IBSP: variants seen among roughly 807,000 people sequenced by gnomAD.
The protein encoded by IBSP is integrin binding sialoprotein.
IBSP carries 19 observed loss-of-function variants against 25.5 expected under a neutral mutation model. The ratio of observed to expected loss-of-function variants is 0.74; its 90% CI spans 0.52 to 1.09. IBSP has a LOEUF of 1.09. IBSP is among the 50% of genes least tolerant of loss of function. The probability of loss-of-function intolerance (pLI) is 0.00; values close to 1 mark genes in which losing one functional copy is unlikely to be tolerated. For synonymous variants in IBSP, 144 were observed against 137.6 expected (o/e 1.05, Z -0.33); for missense variants, 360 against 382.3 (o/e 0.94, Z 0.49).
intron 4 of IBSP, among the ~76,000 whole-genome samples, chr4:87,804,500 A>G (rs1369846022): frequency 6.6e-6 from 1 of 152,240 alleles, no homozygotes; most frequent in Non-Finnish European, 1.5e-5. Flanking sequence ...TTATTGAGAA[A>G]ATTGTCATTT....
At chr4:87,805,819 C>A (rs1722080924) in intron 4 of IBSP, among the ~76,000 whole-genome samples, 2 of 152,120 alleles carry the variant, frequency 1.3e-5, no homozygotes, top group African/African-American at 2.4e-5. Context: ...TTTTTACATA[C>A]AAAATGTTTC....
chr4:87,810,769 C>G lies in IBSP; in HGVS notation c.405+5C>G, dbSNP rs1722159958. 1 of 1,603,342 alleles carries G rather than the reference C, an allele frequency of 6.2e-7. No homozygotes were observed. The highest frequency in any genetic ancestry group is 8.5e-7 in the Non-Finnish European group (1 of 1,175,818). On this transcript the variant is annotated splice_donor_5th_base_variant and intron_variant, in intron 6 of 6. Transcript: ENST00000226284. ...GCAATCCAGCTTCCCAAGAAGGTAA[C>G]AATGGAATTATTCCTCCAAAATGAA...
rs145617869 is a variant in IBSP, at chr4:87,807,743, G to T, written c.246+1559G>T. 4.5e-4 allele frequency among the ~76,000 whole-genome samples: 68 copies of T among 152,302 alleles called. 1 individual carries two copies. Among genetic ancestry groups the T allele is most frequent in the Middle Eastern group, 3.4e-3 (1 of 294 alleles). On this transcript the variant is annotated intron_variant, in intron 5 of 6. Coordinates refer to ENST00000226284, the MANE Select transcript of IBSP (RefSeq NM_004967.4). The stretch of plus-strand genomic sequence containing the variant: ...CAAGTACACACAAAATTTTGCCAAG[G>T]ATCTCTGAACATTTAAGGTCTTCCC...
At chr4:87,801,369 T>C (rs1288787233) in intron 1 of IBSP, among the ~76,000 whole-genome samples, 2 of 151,602 alleles carry the variant, frequency 1.3e-5, no homozygotes, top group Non-Finnish European at 2.9e-5. Context: ...GAACTCCTCA[T>C]GGAAGCATCC....
chr4:87,808,208 G>A (rs1362151762), intron 5 of IBSP, among the ~76,000 whole-genome samples: 2 of 149,090 alleles, frequency 1.3e-5, no homozygotes, highest in Non-Finnish European at 3.0e-5. Context: ...TTGAGACGGA[G>A]TCTCGCTCTG....
chr4:87,808,846 G>A (rs1159716792), intron 5 of IBSP, among the ~76,000 whole-genome samples: 1 of 152,164 alleles, frequency 6.6e-6, no homozygotes, highest in African/African-American at 2.4e-5. Flanking sequence ...TTATTCTTCT[G>A]TTGATGGGCA....
chr4:87,806,262 G>A, intron 5 of IBSP, 78 bp downstream of exon 5: 2 of 1,081,290 alleles, frequency 1.8e-6, no homozygotes, highest in Admixed American at 4.2e-5. Flanking sequence ...TTGCATTCTG[G>A]ACTCAGCAAA....
At chr4:87,806,237 T>C (rs1722086669) in intron 5 of IBSP, 53 bp downstream of exon 5, 4 of 1,348,604 alleles carry the variant, frequency 3.0e-6, no homozygotes, top group African/African-American at 1.4e-5. Context: ...AAGAAACAAA[T>C]AGGAAACTAG....
Position 87,811,601 on chromosome 4 carries a change from A to G in IBSP, c.645A>G (p.Thr215=), listed in dbSNP as rs139266884. ...SVTGANAEDT[T]ETGRQGKGTS... is the part of the protein sequence containing the mutation. ...CTGGAGCCAATGCAGAAGACACCACAGAGACCGGAAGGCAGGGCAAGGGCA... is the reference window on the plus strand; with the variant it reads ...CTGGAGCCAATGCAGAAGACACCACGGAGACCGGAAGGCAGGGCAAGGGCA... The change falls in exon 7 of 7, where the codon ACA becomes ACG. Residue 215 remains threonine, a synonymous_variant. Transcript: ENST00000226284. 3.1e-6 allele frequency: 5 copies of G among 1,613,834 alleles called. No homozygotes were observed. The African/African-American group carries it at 6.7e-5, about 22-fold the overall frequency.
Position 87,799,580 on chromosome 4 carries a change from A to G in IBSP, c.-68A>G, listed in dbSNP as rs1342282304. 2 of 152,174 alleles carry G rather than the reference A, an allele frequency of 1.3e-5. No homozygotes were observed. The highest frequency in any genetic ancestry group is 2.9e-5 in the Non-Finnish European group (2 of 68,042). 9.4% of individuals were successfully genotyped at this position (152,174 alleles called of 1,614,324 possible). ...AGTGAGAGGGCAGAGGAAATACTCA[A>G]TCTGTGCCACTCACTGCCTTGAGCC... On this transcript the variant is annotated 5_prime_UTR_variant, in exon 1 of 7. Transcript: ENST00000226284.
rs115441390 is a variant in IBSP, at chr4:87,804,129, T to C, written c.183+1398T>C. Among the ~76,000 whole-genome samples the C allele has an allele frequency of 8.9e-3, 1,358 of 152,294 alleles. 11 individuals are homozygous for C. Among genetic ancestry groups the C allele is most frequent in the African/African-American group, 0.023 (961 of 41,574 alleles). Reference sequence around the variant, plus strand: ...GCAGATAGGCCCATCTCAACTAATGTAGAACTTGTAAGATAATTGTTTTTA... The same window carrying C: ...GCAGATAGGCCCATCTCAACTAATGCAGAACTTGTAAGATAATTGTTTTTA... On this transcript the variant is annotated intron_variant, in intron 4 of 6. Coordinates refer to ENST00000226284, the MANE Select transcript of IBSP (RefSeq NM_004967.4).
At chr4:87,808,994 G>A (rs1560527644) in intron 5 of IBSP, among the ~76,000 whole-genome samples, 1 of 152,124 alleles carries the variant, frequency 6.6e-6, no homozygotes, top group African/African-American at 2.4e-5. Flanking sequence ...AATCTACTGA[G>A]GCATATATAT....
chr4:87,802,498 T>C lies in IBSP; in HGVS notation c.55-10T>C. 1 of 1,600,340 alleles carries C rather than the reference T, an allele frequency of 6.2e-7. No homozygotes were observed. Among genetic ancestry groups the C allele is most frequent in the Non-Finnish European group, 8.5e-7 (1 of 1,174,396 alleles). On this transcript the variant is annotated splice_polypyrimidine_tract_variant and intron_variant, in intron 2 of 6. Transcript: ENST00000226284. Reference sequence around the variant, plus strand: ...AAAATTATGCAATAATTAAATGTTCTTTAAAACAGATGAAAAATTTGCATC... The same window carrying C: ...AAAATTATGCAATAATTAAATGTTCCTTAAAACAGATGAAAAATTTGCATC...
At position 87,810,686 on chromosome 4, in the gene IBSP, T is replaced by C; in HGVS notation, c.327T>C (p.Ala109=). 4 of 1,613,878 alleles carry C rather than the reference T, an allele frequency of 2.5e-6. No individual in the cohort carries two copies. The highest frequency in any genetic ancestry group is 3.4e-6 in the Non-Finnish European group (4 of 1,179,788). ...AGGCTGAGAATACCACACTTTCTGC[T>C]ACAACACTGGGCTATGGAGAGGACG... The part of the protein sequence containing the change: ...DSEAENTTLS[A]TTLGYGEDAT... The change falls in exon 6 of 7, where the codon GCT becomes GCC. Residue 109 remains alanine, a synonymous_variant. Coordinates refer to ENST00000226284, the MANE Select transcript of IBSP (RefSeq NM_004967.4).
intron 4 of IBSP, among the ~76,000 whole-genome samples, chr4:87,802,977 AAC>A (rs1468022737): frequency 3.3e-5 from 5 of 152,206 alleles, no homozygotes; most frequent in Admixed American, 6.6e-5. Context: ...AATAAAAACA[AAC>A]ACTGTAGCAC....
intron 5 of IBSP, among the ~76,000 whole-genome samples, chr4:87,807,824 G>T (rs1247219206): frequency 6.6e-6 from 1 of 152,200 alleles, no homozygotes; most frequent in Non-Finnish European, 1.5e-5. Flanking sequence ...CTTTGGGGAA[G>T]AGCCATGCTA....
intron 5 of IBSP, among the ~76,000 whole-genome samples, chr4:87,808,440 C>CA (rs1722122362): frequency 6.6e-6 from 1 of 152,136 alleles, no homozygotes; most frequent in African/African-American, 2.4e-5. Context: ...CTCGGCCTCC[C>CA]AAAGTGCTGG....
At chr4:87,809,172 GT>G (rs774440374) in intron 5 of IBSP, among the ~76,000 whole-genome samples, 8 of 152,128 alleles carry the variant, frequency 5.3e-5, no homozygotes, top group Non-Finnish European at 1.2e-4. Context: ...GCGCAAATTA[GT>G]GCTATTTTTC....
At chr4:87,804,412 C>A (rs1722064106) in intron 4 of IBSP, among the ~76,000 whole-genome samples, 1 of 152,162 alleles carries the variant, frequency 6.6e-6, no homozygotes, top group African/African-American at 2.4e-5. Context: ...AAGTGATCAG[C>A]AAGCTATCTA....
Sources: gnomAD v4.1 joint callset for allele counts (sites outside exome capture counted in the v4.1 genomes callset) on GRCh38, gnomAD v4.1.1 for gene constraint, MANE v1.5 for transcripts, NCBI Gene and HGNC (gene_info 2026-07-23, HGNC 2026-07-21) for gene names.